Variants in RTL4 observed in about 807,000 individuals in gnomAD.
RTL4 encodes retrotransposon Gag like 4.
A neutral mutation model predicts 5.3 loss-of-function variants in RTL4; 4 were observed. The ratio of observed to expected loss-of-function variants is 0.75; its 90% CI spans 0.37 to 1.72. The LOEUF is 1.72. Ranked by LOEUF, RTL4 falls within the 40% of genes most tolerant of loss-of-function variation. RTL4 has a pLI of 0.04. For synonymous variants in RTL4, 98 were observed against 87.3 expected (o/e 1.12, Z -0.68); for missense variants, 260 against 227.1 (o/e 1.14, Z -0.93).
chrX:112,229,562 G>A, the RTL4 span, among the ~76,000 whole-genome samples: 1 of 112,022 alleles, frequency 8.9e-6, no homozygotes, highest in Non-Finnish European at 1.9e-5. Flanking sequence ...TAAGGCAGGG[G>A]CATCCAATAT....
chrX:112,265,443 C>T, the RTL4 span, among the ~76,000 whole-genome samples: 1 of 111,924 alleles, frequency 8.9e-6, no homozygotes, highest in African/African-American at 3.2e-5. Context: ...TGTTTTCCTC[C>T]TGTTAAAACA....
the RTL4 span, among the ~76,000 whole-genome samples, chrX:112,330,005 T>C: frequency 3.8e-5 from 4 of 103,936 alleles, no homozygotes; most frequent in African/African-American, 1.4e-4. Context: ...TGATGGGACA[T>C]ATCTCAAAAT....
chrX:112,261,292 C>T, the RTL4 span, among the ~76,000 whole-genome samples: 2 of 111,299 alleles, frequency 1.8e-5, no homozygotes, highest in East Asian at 2.8e-4. Flanking sequence ...TTTAGAAAAC[C>T]GTATCATCTC....
chrX:112,108,748 T>A, the RTL4 span, among the ~76,000 whole-genome samples: 1 of 111,614 alleles, frequency 9.0e-6, no homozygotes, highest in Non-Finnish European at 1.9e-5. Context: ...TGGGCTGACA[T>A]GCTGCTGAGT....
the RTL4 span, among the ~76,000 whole-genome samples, chrX:112,244,738 T>C: frequency 8.9e-6 from 1 of 111,934 alleles, no homozygotes; most frequent in African/African-American, 3.2e-5. Context: ...CCTGTCATTA[T>C]GATGTTAGCT....
chrX:112,203,839 CA>C, the RTL4 span, among the ~76,000 whole-genome samples: 1 of 112,117 alleles, frequency 8.9e-6, no homozygotes, highest in Non-Finnish European at 1.9e-5. Context: ...CAAAATAAAA[CA>C]ATTCAGGGAA....
At chrX:112,211,340 G>A in the RTL4 span, among the ~76,000 whole-genome samples, 1 of 112,181 alleles carries the variant, frequency 8.9e-6, no homozygotes, top group Non-Finnish European at 1.9e-5. Context: ...ATGCAGATGA[G>A]TGTATTGACA....
At chrX:112,320,078 G>A in the RTL4 span, 1 of 112,120 alleles carries the variant, frequency 8.9e-6, no homozygotes, top group Non-Finnish European at 1.9e-5. Context: ...TTCAAACTGA[G>A]ACATATGCTG....
At chrX:112,399,010 T>C in the RTL4 span, among the ~76,000 whole-genome samples, 23,592 of 111,716 alleles carry the variant, frequency 0.21, 1,833 homozygotes, top group Admixed American at 0.35. Flanking sequence ...ATTGAGATTT[T>C]CTATGTCTTC....
chrX:112,322,872 A>G, the RTL4 span, among the ~76,000 whole-genome samples: 1 of 111,892 alleles, frequency 8.9e-6, no homozygotes, highest in Non-Finnish European at 1.9e-5. Flanking sequence ...TAACAGCAGT[A>G]TATTAGTTTT....
chrX:112,154,943 C>T, the RTL4 span, among the ~76,000 whole-genome samples: 3 of 110,531 alleles, frequency 2.7e-5, no homozygotes, highest in Non-Finnish European at 5.7e-5. Context: ...GGATTTAGAC[C>T]CTTATAAAAG....
At chrX:112,350,562 G>T in the RTL4 span, among the ~76,000 whole-genome samples, 4 of 111,387 alleles carry the variant, frequency 3.6e-5, no homozygotes, top group Non-Finnish European at 5.7e-5. Flanking sequence ...GGTCTATTCA[G>T]AGAGATTCAA....
At chrX:112,172,178 AG>A in the RTL4 span, among the ~76,000 whole-genome samples, 1 of 111,479 alleles carries the variant, frequency 9.0e-6, no homozygotes, top group Non-Finnish European at 1.9e-5. Context: ...TGCAAAAATT[AG>A]CTGGGTGTAG....
chrX:112,259,313 A>G, the RTL4 span, among the ~76,000 whole-genome samples: 29 of 111,440 alleles, frequency 2.6e-4, 1 homozygote, highest in Non-Finnish European at 1.1e-4. Flanking sequence ...CATTTAAGCA[A>G]GTCCTCATAG....
At chrX:112,256,726 A>T in the RTL4 span, among the ~76,000 whole-genome samples, 1 of 112,016 alleles carries the variant, frequency 8.9e-6, no homozygotes, top group Non-Finnish European at 1.9e-5. Flanking sequence ...TCTTCATAAG[A>T]GACTTACACT....
At chrX:112,353,546 A>C in the RTL4 span, among the ~76,000 whole-genome samples, 2 of 110,922 alleles carry the variant, frequency 1.8e-5, no homozygotes, top group African/African-American at 6.6e-5. Context: ...ACATGGATGA[A>C]ACTGGAAACC....
At chrX:112,365,198 G>A in the RTL4 span, among the ~76,000 whole-genome samples, 8 of 111,111 alleles carry the variant, frequency 7.2e-5, no homozygotes, top group African/African-American at 2.6e-4. Flanking sequence ...GTTCCAGGCA[G>A]AAGAAACAGC....
At chrX:112,230,095 G>T in the RTL4 span, among the ~76,000 whole-genome samples, 1 of 112,573 alleles carries the variant, frequency 8.9e-6, no homozygotes, top group South Asian at 3.6e-4. Context: ...GGTTATTGCT[G>T]TCTTTTGTTT....
the RTL4 span, among the ~76,000 whole-genome samples, chrX:112,352,016 T>G: frequency 3.6e-5 from 4 of 111,786 alleles, no homozygotes; most frequent in Non-Finnish European, 7.5e-5. Context: ...CAATTGTTCC[T>G]TTCCATGTTT....
Sources: allele counts gnomAD v4.1 joint callset (sites outside exome capture counted in the v4.1 genomes callset), GRCh38; gene constraint gnomAD v4.1.1; transcripts MANE v1.5; gene names NCBI Gene and HGNC (gene_info 2026-07-23, HGNC 2026-07-21).